Variants in FMN1 observed in about 807,000 individuals in gnomAD.
FMN1 encodes the protein formin 1, also known as formin-1.
In FMN1, 110 loss-of-function variants were observed where a neutral mutation model predicts 132.4. The observed-to-expected ratio is 0.83, with a 90% CI of 0.71 to 0.97. The LOEUF (loss-of-function observed/expected upper bound fraction) is 0.97. FMN1 is among the 50% of genes least tolerant of loss of function. The pLI, the probability that FMN1 is intolerant of heterozygous loss-of-function variation, is 0.00. For missense variants in FMN1, 1,792 were observed against 1,705.3 expected (o/e 1.05, Z -0.90); for synonymous variants, 722 against 651.7 (o/e 1.11, Z -1.64).
At chr15:33,066,988 T>G in intron 5 of FMN1, 1 of 1,613,988 alleles carries the variant, frequency 6.2e-7, no homozygotes, top group Non-Finnish European at 8.5e-7. Context: ...CATCCTTTGG[T>G]TTAATTTCCG....
intron 6 of FMN1, among the ~76,000 whole-genome samples, chr15:33,028,392 G>A (rs1211576242): frequency 1.3e-5 from 2 of 152,268 alleles, no homozygotes; most frequent in Middle Eastern, 3.4e-3. Context: ...GAACTTTGCA[G>A]TGAGCCAAGA....
chr15:32,893,522 G>A (rs746664449), intron 15 of FMN1, among the ~76,000 whole-genome samples: 1 of 152,218 alleles, frequency 6.6e-6, no homozygotes, highest in Non-Finnish European at 1.5e-5. Context: ...ACCAAGACTT[G>A]GACCAAAAAC....
At chr15:32,806,627 T>C (rs1354830368) in intron 17 of FMN1, among the ~76,000 whole-genome samples, 1 of 152,188 alleles carries the variant, frequency 6.6e-6, no homozygotes, top group Non-Finnish European at 1.5e-5. Flanking sequence ...CCTGGCTGTT[T>C]GGTGGCATTA....
At chr15:33,053,311 C>A (rs2037065261) in intron 6 of FMN1, among the ~76,000 whole-genome samples, 1 of 152,186 alleles carries the variant, frequency 6.6e-6, no homozygotes, top group Non-Finnish European at 1.5e-5. Context: ...GCACCCCTGC[C>A]TGGGCATTGC....
chr15:33,015,439 G>A (rs1365296384), intron 6 of FMN1, among the ~76,000 whole-genome samples: 1 of 152,158 alleles, frequency 6.6e-6, no homozygotes, highest in East Asian at 1.9e-4. Flanking sequence ...TTCAGGGCCT[G>A]TAGTTACTAG....
At chr15:32,851,432 C>G (rs1312135732) in intron 17 of FMN1, among the ~76,000 whole-genome samples, 2 of 152,174 alleles carry the variant, frequency 1.3e-5, no homozygotes, top group Non-Finnish European at 2.9e-5. Context: ...GTGAGCATCA[C>G]AGTTTTGAAG....
At chr15:32,799,263 C>T (rs532226900) in intron 18 of FMN1, among the ~76,000 whole-genome samples, 4 of 152,310 alleles carry the variant, frequency 2.6e-5, no homozygotes, top group Admixed American at 6.5e-5. Context: ...AAATCCCCGT[C>T]TCTTCCCTGC....
At chr15:33,043,657 G>A (rs1248838484) in intron 6 of FMN1, among the ~76,000 whole-genome samples, 1 of 152,250 alleles carries the variant, frequency 6.6e-6, no homozygotes, top group Admixed American at 6.5e-5. Flanking sequence ...AAACAAGCAA[G>A]GTACTGATGG....
intron 5 of FMN1, among the ~76,000 whole-genome samples, chr15:33,088,282 G>A (rs938181089): frequency 1.3e-5 from 2 of 152,172 alleles, no homozygotes; most frequent in African/African-American, 4.8e-5. Flanking sequence ...AAAAAGAGAA[G>A]GGAGGTGGTT....
At chr15:32,823,325 T>A (rs1315360953) in intron 17 of FMN1, among the ~76,000 whole-genome samples, 1 of 151,578 alleles carries the variant, frequency 6.6e-6, no homozygotes, top group Non-Finnish European at 1.5e-5. Context: ...CCATGCCCAG[T>A]TAATTTCTTT....
At chr15:32,896,985 C>G (rs949670005) in intron 15 of FMN1, among the ~76,000 whole-genome samples, 1 of 152,080 alleles carries the variant, frequency 6.6e-6, no homozygotes, top group East Asian at 1.9e-4. Context: ...GAAGAAACTC[C>G]CTACTGTTTT....
intron 15 of FMN1, among the ~76,000 whole-genome samples, chr15:32,889,658 T>C (rs1390512433): frequency 6.6e-6 from 1 of 152,186 alleles, no homozygotes; most frequent in East Asian, 1.9e-4. Flanking sequence ...ACTCATCCTT[T>C]AAGTCTTAAA....
chr15:33,143,581 T>A (rs557937987), intron 4 of FMN1, among the ~76,000 whole-genome samples: 1 of 152,228 alleles, frequency 6.6e-6, no homozygotes, highest in South Asian at 2.1e-4. Context: ...AGAAACAGGT[T>A]CCAAATGAAG....
intron 6 of FMN1, among the ~76,000 whole-genome samples, chr15:33,040,419 C>T (rs2036377403): frequency 6.6e-6 from 1 of 152,150 alleles, no homozygotes; most frequent in African/African-American, 2.4e-5. Context: ...GTGGCAAAAA[C>T]AACAAAACAG....
At chr15:33,120,832 TTTC>T (rs1962485966) in intron 4 of FMN1, among the ~76,000 whole-genome samples, 1 of 145,082 alleles carries the variant, frequency 6.9e-6, no homozygotes, top group Non-Finnish European at 1.5e-5. Flanking sequence ...TTTAAAAGTA[TTTC>T]TTTTGAATCT....
intron 9 of FMN1, among the ~76,000 whole-genome samples, chr15:32,942,605 A>T (rs2140448882): frequency 6.6e-6 from 1 of 152,018 alleles, no homozygotes; most frequent in African/African-American, 2.4e-5. Context: ...GTCTGAAAGG[A>T]AGATGATTAA....
intron 17 of FMN1, chr15:32,810,873 TATAAACCAACAGGA>T (rs1195301291): frequency 4.6e-6 from 2 of 437,554 alleles, no homozygotes; most frequent in Non-Finnish European, 9.2e-6. Flanking sequence ...ACATGGTTGG[TATAAACCAACAGGA>T]CGCACAGTTA....
At chr15:33,027,670 G>A (rs1026239388) in intron 6 of FMN1, among the ~76,000 whole-genome samples, 3 of 151,154 alleles carry the variant, frequency 2.0e-5, no homozygotes, top group African/African-American at 7.4e-5. Flanking sequence ...CCTGATAACC[G>A]ACTTTCTCAT....
rs1595873046 is a variant in FMN1, at chr15:32,768,153, T to C, written c.*6157A>G. 1 of 152,336 alleles carries C rather than the reference T, an allele frequency of 6.6e-6. No homozygotes were observed. The highest frequency in any genetic ancestry group is 1.5e-5 in the Non-Finnish European group (1 of 68,028). The allele number at this position is 152,336 out of a possible 1,614,324, so 9.4% of individuals were successfully genotyped here. A position where few individuals can be genotyped will look rare whatever the true frequency, so the allele number is the denominator to read the frequency against. On this transcript the variant is annotated 3_prime_UTR_variant, in exon 21 of 21. Transcript: ENST00000616417. The stretch of plus-strand genomic sequence containing the variant: ...AAAGAAATCTGGAATTCAAAATCCA[T>C]GCTAAGAGTTTCCAGAGTGTTCATC...
Sources: allele counts gnomAD v4.1 joint callset (sites outside exome capture counted in the v4.1 genomes callset), GRCh38; gene constraint gnomAD v4.1.1; transcripts MANE v1.5; gene names NCBI Gene and HGNC (gene_info 2026-07-23, HGNC 2026-07-21).